Variants in PPP1R14C observed in about 807,000 individuals in gnomAD.
The protein encoded by PPP1R14C is protein phosphatase 1 regulatory subunit 14C.
In PPP1R14C, 16 loss-of-function variants were observed where a neutral mutation model predicts 20.4. The observed-to-expected ratio is 0.78, with a 90% confidence interval of 0.53 to 1.19. The LOEUF (loss-of-function observed/expected upper bound fraction) is 1.19. Ranked by LOEUF, PPP1R14C falls within the 50% of genes most tolerant of loss-of-function variation. The pLI is 0.00. For synonymous variants in PPP1R14C, 91 were observed against 91.0 expected (o/e 1.00, Z 0.00); for missense variants, 211 against 220.1 (o/e 0.96, Z 0.26).
chr6:150,195,673 C>A, intron 1 of PPP1R14C: 1 of 191,426 alleles, frequency 5.2e-6, no homozygotes, highest in Non-Finnish European at 9.6e-6. Flanking sequence ...GTAAAATACA[C>A]ATAATATAAA....
intron 3 of PPP1R14C, among the ~76,000 whole-genome samples, chr6:150,246,366 G>A (rs1254257298): frequency 6.6e-6 from 1 of 151,812 alleles, no homozygotes; most frequent in Non-Finnish European, 1.5e-5. Context: ...ATGCATAACA[G>A]ATTCCAAAAA....
rs926951069 is a variant in PPP1R14C at position 150,230,471 on chromosome 6, G to A, written c.423+13615G>A. 3.9e-5 allele frequency among the ~76,000 whole-genome samples: 6 copies of A among 152,196 alleles called. No individual in the cohort carries two copies. In the South Asian group the frequency reaches 8.3e-4, roughly 21 times the overall value. On this transcript the variant is annotated intron_variant, in intron 3 of 3. Transcript: ENST00000361131. Reference sequence around the variant, plus strand: ...CGTGGGGAGTTGCATGGCCCATGTGGATCCCAGCCTTTGGAATCCTCATCT... The same window carrying A: ...CGTGGGGAGTTGCATGGCCCATGTGAATCCCAGCCTTTGGAATCCTCATCT...
At chr6:150,237,776 T>C (rs1778380871) in intron 3 of PPP1R14C, among the ~76,000 whole-genome samples, 1 of 152,176 alleles carries the variant, frequency 6.6e-6, no homozygotes, top group Non-Finnish European at 1.5e-5. Context: ...GCAGAAGGAT[T>C]TGAACCCAAG....
intron 1 of PPP1R14C, among the ~76,000 whole-genome samples, chr6:150,169,665 G>A (rs947772631): frequency 2.6e-5 from 4 of 152,190 alleles, no homozygotes; most frequent in African/African-American, 9.6e-5. Context: ...TGATGAAATC[G>A]AACATGAAAA....
chr6:150,152,914 G>C (rs1005762142), intron 1 of PPP1R14C, among the ~76,000 whole-genome samples: 4 of 152,230 alleles, frequency 2.6e-5, no homozygotes, highest in African/African-American at 9.6e-5. Context: ...GGACTTCGTG[G>C]AGGTCATTAG....
chr6:150,156,514 A>G (rs2114855611), intron 1 of PPP1R14C, among the ~76,000 whole-genome samples: 1 of 152,282 alleles, frequency 6.6e-6, no homozygotes, highest in African/African-American at 2.4e-5. Context: ...ATGTTAATGG[A>G]ATTAAATCTG....
chr6:150,148,526 A>C (rs1285442216), intron 1 of PPP1R14C, among the ~76,000 whole-genome samples: 1 of 152,214 alleles, frequency 6.6e-6, no homozygotes, highest in East Asian at 1.9e-4. Context: ...TTGCACCTGG[A>C]TGAGGCCTCT....
chr6:150,177,167 G>A (rs1777571998), intron 1 of PPP1R14C, among the ~76,000 whole-genome samples: 1 of 152,196 alleles, frequency 6.6e-6, no homozygotes, highest in South Asian at 2.1e-4. Context: ...TCTGTTGTCA[G>A]TGGAAGCAGC....
chr6:150,238,572 G>A (rs576939023), intron 3 of PPP1R14C, among the ~76,000 whole-genome samples: 68 of 152,378 alleles, frequency 4.5e-4, no homozygotes, highest in South Asian at 1.7e-3. Flanking sequence ...TCCTTTGCCC[G>A]CAGGGCACCC....
intron 1 of PPP1R14C, among the ~76,000 whole-genome samples, chr6:150,192,868 T>C (rs746984): frequency 0.15 from 22,363 of 152,054 alleles, 1,798 homozygotes; most frequent in South Asian, 0.28. Flanking sequence ...CAGTGTCTCA[T>C]CTTTCAGGGC....
In PPP1R14C at chr6:150,143,579, T is replaced by A. The variant is rs1777148815; in HGVS notation, c.306+81T>A. 2 of 1,046,116 alleles carry A rather than the reference T, an allele frequency of 1.9e-6. No individual in the cohort carries two copies. Among genetic ancestry groups the A allele is most frequent in the Non-Finnish European group, 2.7e-6 (2 of 728,960 alleles). 64.8% of individuals were successfully genotyped at this position (1,046,116 alleles called of 1,614,324 possible). A position where few individuals can be genotyped will look rare whatever the true frequency, so the allele number is the denominator to read the frequency against. On this transcript the variant is annotated intron_variant, in intron 1 of 3. Coordinates refer to ENST00000361131, the MANE Select transcript of PPP1R14C (RefSeq NM_030949.3). This position sits in a 1 kb window ranked among gnomAD's most constrained non-coding sequence, Gnocchi z 5.6. ...CGCAGTAATTTTCCCGGGCTCCAGC[T>A]CCGGGGCGCGCATGTCCCTGACTCC...
chr6:150,220,166 G>A (rs1259267701), intron 3 of PPP1R14C, among the ~76,000 whole-genome samples: 3 of 152,166 alleles, frequency 2.0e-5, no homozygotes. Context: ...AGACTGTTTG[G>A]CTATTGCTGG....
chr6:150,168,533 C>CAACAAAACAAAACAAAACAAAACAA (rs370806291), intron 1 of PPP1R14C, among the ~76,000 whole-genome samples: 1,880 of 148,992 alleles, frequency 0.013, 16 homozygotes, highest in Middle Eastern at 0.027. Flanking sequence ...ACTCCCGTCT[C>CAACAAAACAAAACAAAACAAAACAA]AACAAAACAA....
chr6:150,249,122 T>C lies in PPP1R14C; in HGVS notation c.*302T>C. The C allele has an allele frequency of 2.4e-6, 1 of 414,194 alleles. No homozygotes were observed. Among genetic ancestry groups the C allele is most frequent in the Non-Finnish European group, 4.2e-6 (1 of 235,434 alleles). The allele number at this position is 414,194 out of a possible 1,614,324, so 25.7% of individuals were successfully genotyped here. ...CAAGGAAGGGCCACGCCAGGCTGCG[T>C]TTCCTGCAAGGACTCAGATGTTCAG... is the stretch of plus-strand genomic sequence containing the variant. On this transcript the variant is annotated 3_prime_UTR_variant, in exon 4 of 4. Transcript: ENST00000361131.
At position 150,185,869 on chromosome 6, in the gene PPP1R14C, C is replaced by T. The variant is rs1777671147; in HGVS notation, c.307-28875C>T. 6.6e-6 allele frequency among the ~76,000 whole-genome samples: 1 copy of T among 152,152 alleles called. No homozygotes were observed. Among genetic ancestry groups the T allele is most frequent in the African/African-American group, 2.4e-5 (1 of 41,434 alleles). On this transcript the variant is annotated intron_variant, in intron 1 of 3. Coordinates refer to ENST00000361131, the MANE Select transcript of PPP1R14C (RefSeq NM_030949.3). This position sits in a 1 kb window ranked among gnomAD's most constrained non-coding sequence, Gnocchi z 4.1. The stretch of plus-strand genomic sequence containing the variant: ...GAGGCTCTGTGTAGACACATGTGGC[C>T]ATGACTAGCAAGGCAGGCAAGGGTC...
chr6:150,223,885 G>A (rs578000664), intron 3 of PPP1R14C, among the ~76,000 whole-genome samples: 31 of 152,066 alleles, frequency 2.0e-4, no homozygotes, highest in African/African-American at 4.6e-4. Context: ...TTTCTTTCAC[G>A]GATCATGCCT....
chr6:150,212,191 C>G (rs1778032969), intron 1 of PPP1R14C, among the ~76,000 whole-genome samples: 1 of 152,230 alleles, frequency 6.6e-6, no homozygotes, highest in Admixed American at 6.5e-5. Context: ...TGCAAGTGCT[C>G]TCCATCTGTG....
intron 1 of PPP1R14C, among the ~76,000 whole-genome samples, chr6:150,172,541 G>C (rs1209843601): frequency 6.6e-6 from 1 of 152,194 alleles, no homozygotes; most frequent in South Asian, 2.1e-4. Context: ...GCATCACTGG[G>C]TGTGTGACTT....
At chr6:150,241,910 A>G (rs557871072) in intron 3 of PPP1R14C, among the ~76,000 whole-genome samples, 49 of 152,284 alleles carry the variant, frequency 3.2e-4, no homozygotes, top group African/African-American at 1.1e-3. Flanking sequence ...AAGTGTCAGA[A>G]TTGAATTGAA....
Sources: gnomAD v4.1 joint callset for allele counts (sites outside exome capture counted in the v4.1 genomes callset) on GRCh38, gnomAD v4.1.1 for gene constraint, Gnocchi (gnomAD v3.1) non-coding constraint, MANE v1.5 for transcripts, NCBI Gene and HGNC (gene_info 2026-07-23, HGNC 2026-07-21) for gene names.